The following TMC1 variants were observed in gnomAD, a reference collection of about 807,000 sequenced individuals.
TMC1 encodes the protein transmembrane channel-like protein 1.
TMC1 carries 84 observed loss-of-function variants against 105.8 expected under a neutral mutation model. The ratio of observed to expected loss-of-function variants is 0.79; its 90% confidence interval spans 0.67 to 0.95. The LOEUF (loss-of-function observed/expected upper bound fraction) is 0.95, where lower values mean the gene tolerates loss of function less well. Ranked by LOEUF, TMC1 falls within the 40% of genes least tolerant of loss-of-function variation. The pLI is 0.00. For synonymous variants in TMC1, 315 were observed against 311.5 expected (o/e 1.01, Z -0.12); for missense variants, 817 against 914.1 (o/e 0.89, Z 1.37).
At chr9:72,671,357 A>C (rs746681226) in intron 5 of TMC1, among the ~76,000 whole-genome samples, 27 of 152,218 alleles carry the variant, frequency 1.8e-4, no homozygotes, top group Admixed American at 1.8e-3. Flanking sequence ...GTGCCAGGGA[A>C]GAACAGAGTG....
intron 5 of TMC1, among the ~76,000 whole-genome samples, chr9:72,655,537 T>C (rs943042252): frequency 3.3e-5 from 5 of 152,186 alleles, no homozygotes; most frequent in African/African-American, 1.2e-4. Context: ...GGTCAAGAGA[T>C]CGAGACCATC....
chr9:72,739,607 A>G (rs1827355802), intron 8 of TMC1, among the ~76,000 whole-genome samples: 1 of 152,086 alleles, frequency 6.6e-6, no homozygotes, highest in African/African-American at 2.4e-5. Flanking sequence ...AACCCCATTT[A>G]CTTTACAGAA....
intron 5 of TMC1, among the ~76,000 whole-genome samples, chr9:72,671,885 C>G (rs1826131402): frequency 6.6e-6 from 1 of 152,006 alleles, no homozygotes; most frequent in African/African-American, 2.4e-5. Context: ...TAAAGTTATC[C>G]TTACTGAAAA....
chr9:72,652,325 A>G (rs1002437337), intron 5 of TMC1, among the ~76,000 whole-genome samples: 7 of 152,184 alleles, frequency 4.6e-5, no homozygotes, highest in Admixed American at 4.6e-4. Flanking sequence ...GATGTTGGTG[A>G]TACTGATTTT....
chr9:72,833,441 T>C (rs1342470354), intron 23 of TMC1, among the ~76,000 whole-genome samples: 1 of 152,234 alleles, frequency 6.6e-6, no homozygotes, highest in Non-Finnish European at 1.5e-5. Context: ...TCTGCACTTC[T>C]CCAATTTCAA....
intron 5 of TMC1, among the ~76,000 whole-genome samples, chr9:72,676,762 C>T (rs1826209440): frequency 6.6e-6 from 1 of 152,096 alleles, no homozygotes; most frequent in Non-Finnish European, 1.5e-5. Flanking sequence ...TCGTATTTCT[C>T]AGTACTAGGC....
In TMC1 at chr9:72,836,952, A is replaced by C. The variant is rs1005563889; in HGVS notation, c.*979A>C. 6.6e-6 allele frequency: 1 copy of C among 152,198 alleles called. No homozygotes were observed. Among genetic ancestry groups the C allele is most frequent in the Non-Finnish European group, 1.5e-5 (1 of 68,054 alleles). The allele number at this position is 152,198 out of a possible 1,614,324, so 9.4% of individuals were successfully genotyped here. ...TTTTACAGCAGGAACAAAAGGAAAT[A>C]AAATATACTTGGAAGAGAGCCAAGT... On this transcript the variant is annotated 3_prime_UTR_variant, in exon 24 of 24. Coordinates refer to ENST00000297784, the MANE Select transcript of TMC1 (RefSeq NM_138691.3).
chr9:72,692,491 C>A (rs1227845681), intron 6 of TMC1, among the ~76,000 whole-genome samples: 1 of 152,120 alleles, frequency 6.6e-6, no homozygotes, highest in Non-Finnish European at 1.5e-5. Flanking sequence ...ACTTTTATGT[C>A]CATGGAGGGA....
intron 8 of TMC1, among the ~76,000 whole-genome samples, chr9:72,718,026 CTG>C (rs1160525194): frequency 1.3e-5 from 2 of 151,792 alleles, no homozygotes; most frequent in Non-Finnish European, 2.9e-5. Flanking sequence ...TTGCATTTCT[CTG>C]TGTTCTTTAC....
At chr9:72,578,561 G>C (rs1472064385) in intron 2 of TMC1, among the ~76,000 whole-genome samples, 1 of 152,160 alleles carries the variant, frequency 6.6e-6, no homozygotes, top group Non-Finnish European at 1.5e-5. Context: ...CAATGGGGCA[G>C]GCAGAGGGAG....
At chr9:72,647,110 C>G (rs1174166349) in intron 4 of TMC1, among the ~76,000 whole-genome samples, 1 of 141,544 alleles carries the variant, frequency 7.1e-6, no homozygotes, top group Non-Finnish European at 1.5e-5. Flanking sequence ...CCACTGCACT[C>G]TAGCCTGGGT....
At chr9:72,694,951 T>C (rs1826524056) in intron 7 of TMC1, among the ~76,000 whole-genome samples, 1 of 152,196 alleles carries the variant, frequency 6.6e-6, no homozygotes, top group African/African-American at 2.4e-5. Flanking sequence ...ATCTGAATTA[T>C]CATAGGTCGT....
chr9:72,526,814 A>G (rs990857074), intron 1 of TMC1, among the ~76,000 whole-genome samples: 4 of 152,150 alleles, frequency 2.6e-5, no homozygotes, highest in Non-Finnish European at 4.4e-5. Flanking sequence ...AGGCTTGGAG[A>G]CCACATATGG....
chr9:72,621,539 A>AG (rs1825249712), intron 3 of TMC1, among the ~76,000 whole-genome samples: 1 of 152,218 alleles, frequency 6.6e-6, no homozygotes, highest in Non-Finnish European at 1.5e-5. Context: ...ATTAAAAAAA[A>AG]TCTTTTCCTG....
chr9:72,538,802 G>C (rs902348836), intron 1 of TMC1, among the ~76,000 whole-genome samples: 1 of 152,118 alleles, frequency 6.6e-6, no homozygotes, highest in Admixed American at 6.5e-5. Flanking sequence ...TGCTATATCA[G>C]AGTCGGGTTC....
At chr9:72,678,004 C>T (rs1046149265) in intron 5 of TMC1, among the ~76,000 whole-genome samples, 4 of 152,092 alleles carry the variant, frequency 2.6e-5, no homozygotes, top group Non-Finnish European at 5.9e-5. Flanking sequence ...TTTGGATCTA[C>T]GTACATGTTC....
intron 2 of TMC1, among the ~76,000 whole-genome samples, chr9:72,578,620 G>C (rs1824427521): frequency 1.3e-5 from 2 of 152,168 alleles, no homozygotes; most frequent in Admixed American, 1.3e-4. Flanking sequence ...GAGTGTGTGT[G>C]CTCTGACGAG....
At chr9:72,678,374 G>T (rs1282224182) in intron 5 of TMC1, among the ~76,000 whole-genome samples, 1 of 151,948 alleles carries the variant, frequency 6.6e-6, no homozygotes, top group Non-Finnish European at 1.5e-5. Context: ...TTCTATTTTA[G>T]AGCAAAAATG....
At position 72,830,693 on chromosome 9, in the gene TMC1, C is replaced by T. The variant is rs747062029; in HGVS notation, c.2260+11C>T. The T allele has an allele frequency of 5.6e-6, 9 of 1,601,518 alleles. No homozygotes were observed. The highest frequency in any genetic ancestry group is 2.7e-5 in the African/African-American group (2 of 74,054). On this transcript the variant is annotated intron_variant, in intron 23 of 23. Coordinates refer to ENST00000297784, the MANE Select transcript of TMC1 (RefSeq NM_138691.3). ...CAGCTGCACGAGCAGGTTGGAGATA[C>T]GTTTATGTTTGTAATGTTTGTAATT...
Sources: allele counts gnomAD v4.1 joint callset (sites outside exome capture counted in the v4.1 genomes callset), GRCh38; gene constraint gnomAD v4.1.1; transcripts MANE v1.5; gene names NCBI Gene and HGNC (gene_info 2026-07-23, HGNC 2026-07-21).